ZNF264: variants seen among roughly 807,000 people sequenced by gnomAD.
The protein encoded by ZNF264 is zinc finger protein 264.
ZNF264 carries 11 observed loss-of-function variants against 11.2 expected under a neutral mutation model. The ratio of observed to expected loss-of-function variants is 0.98; its 90% CI spans 0.62 to 1.63. The LOEUF (loss-of-function observed/expected upper bound fraction) is 1.63, where lower values mean the gene tolerates loss of function less well. ZNF264 is among the 40% of genes most tolerant of loss of function. The pLI is 0.00. For synonymous variants in ZNF264, 309 were observed against 279.8 expected (o/e 1.10, Z -1.04); for missense variants, 752 against 768.1 (o/e 0.98, Z 0.25).
rs903911303 is a variant in ZNF264, at chr19:57,211,564, C to G, written c.467C>G (p.Pro156Arg). 1.4e-5 allele frequency: 22 copies of G among 1,613,956 alleles called. No individual in the cohort carries two copies. Among genetic ancestry groups the G allele is most frequent in the Non-Finnish European group, 1.9e-5 (22 of 1,179,954 alleles). Residue 156 changes from proline (P) to arginine (R), a missense_variant, in exon 4 of 4, where the codon CCT becomes CGT. By Grantham distance (103) the Pro-to-Arg change is moderately radical. Coordinates refer to ENST00000263095, the MANE Select transcript of ZNF264 (RefSeq NM_003417.5). ...GAGAAGTCTCCTGGGAAGATGAGCC[C>G]TGAATGTGATGGTTTAGGGACAGCT... ...PQEKSPGKMSPECDGLGTADG... is the reference protein window; with the variant it reads ...PQEKSPGKMSRECDGLGTADG...
intron 3 of ZNF264, among the ~76,000 whole-genome samples, chr19:57,206,983 T>C (rs1192615414): frequency 7.0e-6 from 1 of 143,156 alleles, no homozygotes; most frequent in African/African-American, 2.7e-5. Flanking sequence ...CTTGAGCTGC[T>C]CATCCAACCC....
chr19:57,204,104 G>A (rs2122750681), intron 2 of ZNF264, among the ~76,000 whole-genome samples: 1 of 151,864 alleles, frequency 6.6e-6, no homozygotes, highest in African/African-American at 2.4e-5. Context: ...GGAGAATGGT[G>A]TGAACCCGGG....
At chr19:57,195,172 T>G (rs7248497) in intron 2 of ZNF264, among the ~76,000 whole-genome samples, 2 of 152,246 alleles carry the variant, frequency 1.3e-5, no homozygotes, top group African/African-American at 2.4e-5. Context: ...GTCATAATTA[T>G]GCTTAACATA....
In ZNF264 at chr19:57,219,361, C is replaced by G. The variant is rs2087401336; in HGVS notation, c.*6380C>G. 6.6e-6 allele frequency: 1 copy of G among 152,190 alleles called. No homozygotes were observed. The highest frequency in any genetic ancestry group is 2.4e-5 in the African/African-American group (1 of 41,436). The allele number at this position is 152,190 out of a possible 1,614,324, so 9.4% of individuals were successfully genotyped here. A position where few individuals can be genotyped will look rare whatever the true frequency, so the allele number is the denominator to read the frequency against. On this transcript the variant is annotated 3_prime_UTR_variant, in exon 4 of 4. Transcript: ENST00000263095. ...CAGATTTTTCCCCCATAATCTGTAT[C>G]TGTATTCAAGTCTCTATCCTCATCC...
Position 57,217,224 on chromosome 19 carries a change from CTG to C in ZNF264, c.*4245_*4246del, listed in dbSNP as rs1474554154. ...CGAACCATCCTAAGTCAGGGACTGTCTGTATATATCTGCATTTTTTAGTGATT... is the reference window on the plus strand; with the variant it reads ...CGAACCATCCTAAGTCAGGGACTGTCTATATATCTGCATTTTTTAGTGATT... On this transcript the variant is annotated 3_prime_UTR_variant, in exon 4 of 4. Transcript: ENST00000263095. 2 of 152,152 alleles carry C rather than the reference CTG, an allele frequency of 1.3e-5. No homozygotes were observed. The highest frequency in any genetic ancestry group is 4.8e-5 in the African/African-American group (2 of 41,424). 9.4% of individuals were successfully genotyped at this position (152,152 alleles called of 1,614,324 possible).
chr19:57,221,750 G>C lies in ZNF264; in HGVS notation c.*8769G>C, dbSNP rs2087418665. 6.6e-6 allele frequency: 1 copy of C among 152,132 alleles called. No individual in the cohort carries two copies. The highest frequency in any genetic ancestry group is 6.5e-5 in the Admixed American group (1 of 15,280). 9.4% of individuals were successfully genotyped at this position (152,132 alleles called of 1,614,324 possible). ...CTTCCAGAAGGTTAGCAGGGGTTCA[G>C]CTTTTCAGCTGAAAACGTTATCCCC... is the stretch of plus-strand genomic sequence containing the variant. On this transcript the variant is annotated 3_prime_UTR_variant, in exon 4 of 4. Transcript: ENST00000263095.
chr19:57,207,880 C>G (rs1287437829), intron 3 of ZNF264, among the ~76,000 whole-genome samples: 1 of 152,064 alleles, frequency 6.6e-6, no homozygotes, highest in Non-Finnish European at 1.5e-5. Context: ...GTGCATGCCA[C>G]CACGCCCGGC....
Position 57,215,266 on chromosome 19 carries a change from T to G in ZNF264, c.*2285T>G, listed in dbSNP as rs1428145002. On this transcript the variant is annotated 3_prime_UTR_variant, in exon 4 of 4. Coordinates refer to ENST00000263095, the MANE Select transcript of ZNF264 (RefSeq NM_003417.5). ...AGGTAGAACTATTCGAAGTATCTATTTCTTGTGTAATAAATTTTGATAGTC... is the reference window on the plus strand; with the variant it reads ...AGGTAGAACTATTCGAAGTATCTATGTCTTGTGTAATAAATTTTGATAGTC... The G allele has an allele frequency of 6.6e-6, 1 of 152,234 alleles. No homozygotes were observed. The highest frequency in any genetic ancestry group is 2.4e-5 in the African/African-American group (1 of 41,472). 9.4% of individuals were successfully genotyped at this position (152,234 alleles called of 1,614,324 possible). A position where few individuals can be genotyped will look rare whatever the true frequency, so the allele number is the denominator to read the frequency against.
At chr19:57,194,919 T>G (rs2087201263) in intron 2 of ZNF264, 1 of 398,654 alleles carries the variant, frequency 2.5e-6, no homozygotes. Flanking sequence ...ATTGTATTGA[T>G]CCAGAAATAA....
chr19:57,222,761 TG>T lies in ZNF264; in HGVS notation c.*9785del. 1 of 152,240 alleles carries T rather than the reference TG, an allele frequency of 6.6e-6. No individual in the cohort carries two copies. The highest frequency in any genetic ancestry group is 2.1e-4 in the South Asian group (1 of 4,822). The allele number at this position is 152,240 out of a possible 1,614,324, so 9.4% of individuals were successfully genotyped here. A position where few individuals can be genotyped will look rare whatever the true frequency, so the allele number is the denominator to read the frequency against. ...TTTTGAAACTAGTTCATGGCTTCAG[TG>T]GGGGAGAGATTTAAATAATATGGGT... On this transcript the variant is annotated 3_prime_UTR_variant, in exon 4 of 4. Transcript: ENST00000263095.
Position 57,213,086 on chromosome 19 carries a change from G to C in ZNF264, c.*105G>C, listed in dbSNP as rs778570184. 215 of 1,171,718 alleles carry C rather than the reference G, an allele frequency of 1.8e-4. No homozygotes were observed. The highest frequency in any genetic ancestry group is 2.5e-4 in the Non-Finnish European group (209 of 844,124). 72.6% of individuals were successfully genotyped at this position (1,171,718 alleles called of 1,614,324 possible). On this transcript the variant is annotated 3_prime_UTR_variant, in exon 4 of 4. Coordinates refer to ENST00000263095, the MANE Select transcript of ZNF264 (RefSeq NM_003417.5). ...CATCTGATAATTTATCCTGGAGAGAGACCCAGTGGTTATTGTGCACATAGG... is the reference window on the plus strand; with the variant it reads ...CATCTGATAATTTATCCTGGAGAGACACCCAGTGGTTATTGTGCACATAGG...
intron 2 of ZNF264, among the ~76,000 whole-genome samples, chr19:57,199,050 A>G (rs757791168): frequency 1.1e-4 from 17 of 151,920 alleles, no homozygotes; most frequent in Admixed American, 2.0e-4. Flanking sequence ...ATTTCTGGGA[A>G]CACTGTGATT....
At position 57,216,728 on chromosome 19, in the gene ZNF264, T is replaced by G. The variant is rs577972001; in HGVS notation, c.*3747T>G. 1 of 152,330 alleles carries G rather than the reference T, an allele frequency of 6.6e-6. No homozygotes were observed. The highest frequency in any genetic ancestry group is 1.9e-4 in the East Asian group (1 of 5,182). 9.4% of individuals were successfully genotyped at this position (152,330 alleles called of 1,614,324 possible). A position where few individuals can be genotyped will look rare whatever the true frequency, so the allele number is the denominator to read the frequency against. On this transcript the variant is annotated 3_prime_UTR_variant, in exon 4 of 4. Coordinates refer to ENST00000263095, the MANE Select transcript of ZNF264 (RefSeq NM_003417.5). ...CTGCATATGTCTCTCTTAATTGGTA[T>G]GTTGAAATGATTTACATTAAAATAA...
chr19:57,207,851 C>T (rs1248376448), intron 3 of ZNF264, among the ~76,000 whole-genome samples: 4 of 151,992 alleles, frequency 2.6e-5, no homozygotes, highest in East Asian at 1.9e-4. Context: ...CTCAGCCTCC[C>T]GAATAGCTGG....
chr19:57,211,570 G>A lies in ZNF264; in HGVS notation c.473G>A (p.Cys158Tyr), dbSNP rs765430348. 4 of 1,614,006 alleles carry A rather than the reference G, an allele frequency of 2.5e-6. No individual in the cohort carries two copies. The highest frequency in any genetic ancestry group is 1.3e-5 in the African/African-American group (1 of 74,932). ...TCTCCTGGGAAGATGAGCCCTGAAT[G>A]TGATGGTTTAGGGACAGCTGATGGT... The part of the protein sequence containing the change: ...EKSPGKMSPE[C>Y]DGLGTADGVC... Residue 158 changes from cysteine (C) to tyrosine (Y), a missense_variant, in exon 4 of 4, where the codon TGT (cysteine) becomes TAT (tyrosine). Physicochemically the swap from Cys to Tyr is radical, Grantham distance 194. Coordinates refer to ENST00000263095, the MANE Select transcript of ZNF264 (RefSeq NM_003417.5).
intron 1 of ZNF264, among the ~76,000 whole-genome samples, chr19:57,193,248 T>C (rs2087188319): frequency 1.3e-5 from 2 of 152,188 alleles, no homozygotes; most frequent in African/African-American, 2.4e-5. Flanking sequence ...CATGAAGTCA[T>C]TGACTGTGAA....
In ZNF264 at chr19:57,211,374, A is replaced by G. The variant is rs1378710690; in HGVS notation, c.277A>G (p.Thr93Ala). 6.2e-7 allele frequency: 1 copy of G among 1,606,952 alleles called. No individual in the cohort carries two copies. Among genetic ancestry groups the G allele is most frequent in the East Asian group, 2.2e-5 (1 of 44,784 alleles). Reference sequence around the variant, plus strand: ...TTCAGGCGACAAAGGAAAACCTAAGACCACAGAACCTACCACTTGTGAGCC... The same window carrying G: ...TTCAGGCGACAAAGGAAAACCTAAGGCCACAGAACCTACCACTTGTGAGCC... ...TCPGDKGKPK[T>A]TEPTTCEPAL... The change falls in exon 4 of 4, where the codon ACC becomes GCC. Residue 93 changes from threonine (T) to alanine (A), a missense_variant. Thr to Ala is a moderately conservative substitution (Grantham distance 58). Coordinates refer to ENST00000263095, the MANE Select transcript of ZNF264 (RefSeq NM_003417.5).
intron 2 of ZNF264, chr19:57,194,857 G>A (rs1388048350): frequency 1.0e-5 from 4 of 400,036 alleles, no homozygotes; most frequent in Non-Finnish European, 1.8e-5. Flanking sequence ...AGCACACTGA[G>A]CATTGAATAC....
At chr19:57,209,877 C>T (rs371423270) in intron 3 of ZNF264, among the ~76,000 whole-genome samples, 1 of 151,940 alleles carries the variant, frequency 6.6e-6, no homozygotes, top group African/African-American at 2.4e-5. Context: ...GGATTACAGG[C>T]TTTGGGGGGC....
Sources: allele counts gnomAD v4.1 joint callset (sites outside exome capture counted in the v4.1 genomes callset), GRCh38; gene constraint gnomAD v4.1.1; transcripts MANE v1.5; gene names NCBI Gene and HGNC (gene_info 2026-07-23, HGNC 2026-07-21).